The following SRPX variants were observed in gnomAD, a reference collection of about 807,000 sequenced individuals.
SRPX encodes the protein sushi repeat containing protein X-linked.
In SRPX, 24 loss-of-function variants were observed where a neutral mutation model predicts 38.1. That is an observed-to-expected ratio of 0.63 (90% CI 0.46 to 0.89). SRPX has a LOEUF of 0.89. SRPX is among the 40% of genes least tolerant of loss of function. The pLI, the probability that SRPX is intolerant of heterozygous loss-of-function variation, is 0.00. For synonymous variants in SRPX, 184 were observed against 153.8 expected (o/e 1.20, Z -1.45); for missense variants, 416 against 377.8 (o/e 1.10, Z -0.84).
At chrX:38,161,291 G>T (rs1040439757) in intron 5 of SRPX, among the ~76,000 whole-genome samples, 1 of 110,928 alleles carries the variant, frequency 9.0e-6, no homozygotes, top group Non-Finnish European at 1.9e-5. Context: ...CTTTTTTCTT[G>T]CTGAAGGGTA....
intron 1 of SRPX, among the ~76,000 whole-genome samples, chrX:38,202,390 A>C (rs891402941): frequency 9.0e-6 from 1 of 111,702 alleles, no homozygotes; most frequent in Admixed American, 9.5e-5. Flanking sequence ...AACAGTTCTC[A>C]GAGGGGAATT....
intron 1 of SRPX, among the ~76,000 whole-genome samples, chrX:38,210,456 T>C (rs1939298754): frequency 8.9e-6 from 1 of 112,357 alleles, no homozygotes; most frequent in South Asian, 3.7e-4. Context: ...TGAATGTCTC[T>C]GGGAAGCAGT....
intron 1 of SRPX, among the ~76,000 whole-genome samples, chrX:38,187,958 A>G (rs1444535472): frequency 8.9e-6 from 1 of 112,156 alleles, no homozygotes; most frequent in Non-Finnish European, 1.9e-5. Flanking sequence ...AAAGGTGTAT[A>G]TGTTTGAAGG....
chrX:38,163,510 G>A (rs1354038481), intron 5 of SRPX, among the ~76,000 whole-genome samples: 1 of 111,755 alleles, frequency 8.9e-6, no homozygotes. Flanking sequence ...TGGTCTCCAG[G>A]GAATATGAAG....
At chrX:38,152,095 AT>A in intron 9 of SRPX, among the ~76,000 whole-genome samples, 1 of 111,760 alleles carries the variant, frequency 8.9e-6, no homozygotes, top group Middle Eastern at 4.6e-3. Context: ...TTATGCAGGC[AT>A]TATGCTTTTC....
chrX:38,192,033 A>G (rs1411156410), intron 1 of SRPX, among the ~76,000 whole-genome samples: 1 of 111,610 alleles, frequency 9.0e-6, no homozygotes, highest in Non-Finnish European at 1.9e-5. Flanking sequence ...AGAACAGGCA[A>G]GTGGAGATAA....
chrX:38,218,999 AG>A (rs1190879120), intron 1 of SRPX, among the ~76,000 whole-genome samples: 3 of 111,289 alleles, frequency 2.7e-5, no homozygotes, highest in Non-Finnish European at 5.7e-5. Flanking sequence ...GGTGGCAAGC[AG>A]GAACATGGTG....
At chrX:38,186,423 T>C (rs1938787954) in intron 1 of SRPX, among the ~76,000 whole-genome samples, 1 of 111,933 alleles carries the variant, frequency 8.9e-6, no homozygotes, top group African/African-American at 3.3e-5. Context: ...GATCCTGACT[T>C]ATAAAAATTC....
intron 1 of SRPX, among the ~76,000 whole-genome samples, chrX:38,219,201 C>T (rs1458392440): frequency 1.8e-5 from 2 of 110,390 alleles, no homozygotes; most frequent in East Asian, 2.8e-4. Flanking sequence ...GGGAGGAGAA[C>T]GGAGGGAGGT....
chrX:38,162,214 G>C (rs1260926047), intron 5 of SRPX, among the ~76,000 whole-genome samples: 3 of 112,241 alleles, frequency 2.7e-5, no homozygotes, highest in Non-Finnish European at 5.6e-5. Context: ...GAGTAAATAA[G>C]GGAACTCACA....
intron 3 of SRPX, among the ~76,000 whole-genome samples, chrX:38,172,677 G>C (rs1938497387): frequency 8.9e-6 from 1 of 112,415 alleles, no homozygotes. Context: ...GCAGAACAGG[G>C]AAGGGGAGAA....
At chrX:38,155,421 C>G (rs959515224) in intron 8 of SRPX, among the ~76,000 whole-genome samples, 1 of 112,064 alleles carries the variant, frequency 8.9e-6, no homozygotes, top group African/African-American at 3.2e-5. Context: ...TATAAAATAT[C>G]TTATCCAACC....
At chrX:38,210,025 C>G in intron 1 of SRPX, among the ~76,000 whole-genome samples, 1 of 112,559 alleles carries the variant, frequency 8.9e-6, no homozygotes, top group Non-Finnish European at 1.9e-5. Flanking sequence ...ACAGTGTTCA[C>G]TGAAATCAAC....
intron 1 of SRPX, among the ~76,000 whole-genome samples, chrX:38,219,456 A>G (rs1200240100): frequency 9.0e-6 from 1 of 111,722 alleles, no homozygotes; most frequent in African/African-American, 3.3e-5. Flanking sequence ...CACCATGGGA[A>G]TAACAGTTGC....
chrX:38,202,206 C>G (rs1311780627), intron 1 of SRPX, among the ~76,000 whole-genome samples: 1 of 111,905 alleles, frequency 8.9e-6, no homozygotes, highest in African/African-American at 3.3e-5. Flanking sequence ...GGTAGGAAGA[C>G]TCCTTGTGAC....
chrX:38,181,286 A>C (rs750096403), intron 1 of SRPX, among the ~76,000 whole-genome samples: 2 of 112,454 alleles, frequency 1.8e-5, no homozygotes, highest in East Asian at 5.6e-4. Context: ...CAGCAGGGGA[A>C]TCACAGATTA....
At chrX:38,198,923 A>C (rs1166264554) in intron 1 of SRPX, among the ~76,000 whole-genome samples, 2 of 111,081 alleles carry the variant, frequency 1.8e-5, no homozygotes, top group Non-Finnish European at 3.8e-5. Context: ...AACTCAGATC[A>C]AGAAACAGAA....
intron 7 of SRPX, 39 bp downstream of exon 7, chrX:38,159,978 T>C (rs369570326): frequency 6.1e-4 from 720 of 1,185,228 alleles, no homozygotes; most frequent in Non-Finnish European, 7.8e-4. Context: ...CCAAGGGGTT[T>C]ACAGGTTCTG....
At chrX:38,213,395 A>G (rs920612956) in intron 1 of SRPX, among the ~76,000 whole-genome samples, 1 of 112,070 alleles carries the variant, frequency 8.9e-6, no homozygotes, top group Non-Finnish European at 1.9e-5. Context: ...ATTTAATCAC[A>G]AATCAGTTGG....
Sources: allele counts gnomAD v4.1 joint callset (sites outside exome capture counted in the v4.1 genomes callset), GRCh38; gene constraint gnomAD v4.1.1; transcripts MANE v1.5; gene names NCBI Gene and HGNC (gene_info 2026-07-23, HGNC 2026-07-21).